The following CTTNBP2 variants were observed in gnomAD, a reference collection of about 807,000 sequenced individuals.
CTTNBP2 encodes cortactin-binding protein 2.
Under a neutral mutation model 156.9 loss-of-function variants are expected in CTTNBP2, and 108 were observed. That is an observed-to-expected ratio of 0.69 (90% CI 0.59 to 0.81). The LOEUF (loss-of-function observed/expected upper bound fraction) is 0.81. CTTNBP2 is among the 30% of genes least tolerant of loss of function. The pLI, the probability that CTTNBP2 is intolerant of heterozygous loss-of-function variation, is 0.00. For synonymous variants in CTTNBP2, 767 were observed against 751.8 expected (o/e 1.02, Z -0.33); for missense variants, 1,924 against 2,035.4 (o/e 0.95, Z 1.05).
chr7:117,867,457 A>T (rs1337034157), intron 1 of CTTNBP2, among the ~76,000 whole-genome samples: 6 of 151,870 alleles, frequency 4.0e-5, no homozygotes, highest in Non-Finnish European at 8.8e-5. Context: ...ATCTCTATTA[A>T]CTCTATTTTC....
At chr7:117,784,159 A>G in intron 5 of CTTNBP2, 92 bp downstream of exon 5, 2 of 943,010 alleles carry the variant, frequency 2.1e-6, no homozygotes, top group Non-Finnish European at 3.1e-6. Context: ...AAATAAAACT[A>G]AATTGAACTT....
intron 2 of CTTNBP2, among the ~76,000 whole-genome samples, chr7:117,825,130 C>T (rs1294493716): frequency 1.3e-5 from 2 of 152,188 alleles, no homozygotes; most frequent in Non-Finnish European, 2.9e-5. Flanking sequence ...CATTTCATTG[C>T]TCCTTTCATT....
intron 1 of CTTNBP2, among the ~76,000 whole-genome samples, chr7:117,865,686 A>G (rs797015252): frequency 2.0e-5 from 3 of 149,456 alleles, no homozygotes; most frequent in East Asian, 1.9e-4. Flanking sequence ...AAAAAAAAAA[A>G]AAAAGAAAAG....
intron 14 of CTTNBP2, among the ~76,000 whole-genome samples, chr7:117,737,670 T>C (rs1329048932): frequency 6.6e-6 from 1 of 151,934 alleles, no homozygotes; most frequent in Non-Finnish European, 1.5e-5. Flanking sequence ...ACCTCCCGGG[T>C]TCAAGTGATT....
At chr7:117,822,464 G>C (rs1563042993) in intron 2 of CTTNBP2, among the ~76,000 whole-genome samples, 1 of 151,920 alleles carries the variant, frequency 6.6e-6, no homozygotes, top group Non-Finnish European at 1.5e-5. Flanking sequence ...TAGAACCATA[G>C]GTCATTGATT....
intron 2 of CTTNBP2, among the ~76,000 whole-genome samples, chr7:117,844,343 A>G (rs35647931): frequency 0.013 from 1,970 of 152,344 alleles, 18 homozygotes; most frequent in Non-Finnish European, 0.02. Flanking sequence ...GGAAACTAAT[A>G]CAGGTTGGGG....
At chr7:117,746,329 T>C (rs1302325356) in intron 12 of CTTNBP2, among the ~76,000 whole-genome samples, 3 of 152,200 alleles carry the variant, frequency 2.0e-5, no homozygotes, top group Non-Finnish European at 4.4e-5. Context: ...ACACATTTTT[T>C]CCCTCTATTT....
At chr7:117,866,713 T>A (rs1426748150) in intron 1 of CTTNBP2, among the ~76,000 whole-genome samples, 4 of 152,116 alleles carry the variant, frequency 2.6e-5, no homozygotes, top group African/African-American at 9.7e-5. Context: ...ATCTCCCCCA[T>A]CCCCTAAATG....
Position 117,858,369 on chromosome 7 carries a change from C to CA in CTTNBP2, c.189+2839dup, listed in dbSNP as rs377198920. ...TGGGCGACAGAGTGAGACTCCGTCT[C>CA]AAAAAAAAGAAAACAAAAAACAAAA... On this transcript the variant is annotated intron_variant, in intron 2 of 22. Coordinates refer to ENST00000160373, the MANE Select transcript of CTTNBP2 (RefSeq NM_033427.3). Among the ~76,000 whole-genome samples, 560 of 151,732 alleles carry CA rather than the reference C, an allele frequency of 3.7e-3. 4 individuals are homozygous for CA. Among genetic ancestry groups the CA allele is most frequent in the African/African-American group, 0.013 (537 of 41,384 alleles).
intron 14 of CTTNBP2, among the ~76,000 whole-genome samples, chr7:117,744,296 C>T (rs1796193093): frequency 6.6e-6 from 1 of 152,058 alleles, no homozygotes; most frequent in Admixed American, 6.5e-5. Flanking sequence ...TTTTTCAGAA[C>T]CCATTAACCA....
At chr7:117,832,391 G>C (rs376527333) in intron 2 of CTTNBP2, among the ~76,000 whole-genome samples, 48 of 152,118 alleles carry the variant, frequency 3.2e-4, no homozygotes, top group African/African-American at 1.1e-3. Flanking sequence ...CTGATAAGAG[G>C]GACTGCCCTA....
At chr7:117,806,736 T>G (rs1037049412) in intron 3 of CTTNBP2, among the ~76,000 whole-genome samples, 1 of 136,350 alleles carries the variant, frequency 7.3e-6, no homozygotes, top group East Asian at 2.3e-4. Context: ...TTCTTTCTTC[T>G]TTTTCTCATT....
rs759617476 is a variant in CTTNBP2 at position 117,756,638 on chromosome 7, T to C, written c.3269-4A>G. ...CTGAGACAGCCTTCTTGAGGACCTG[T>C]AGGAAAGGACAGACGAAGAAAAATG... On this transcript the variant is annotated splice_polypyrimidine_tract_variant and splice_region_variant and intron_variant, in intron 11 of 22. Transcript: ENST00000160373. 1.9e-6 allele frequency: 3 copies of C among 1,605,298 alleles called. No individual in the cohort carries two copies. The highest frequency in any genetic ancestry group is 1.1e-5 in the South Asian group (1 of 90,896).
chr7:117,756,536 C>A lies in CTTNBP2; in HGVS notation c.3348+19G>T, dbSNP rs1796893525. 1.3e-6 allele frequency: 2 copies of A among 1,592,748 alleles called. No individual in the cohort carries two copies. Among genetic ancestry groups the A allele is most frequent in the Admixed American group, 3.3e-5 (2 of 59,962 alleles). ...CAGGGATGGAAAACACAGGTCTCCA[C>A]CCAGCAGTGTCCACCTACCAGCCTG... On this transcript the variant is annotated intron_variant, in intron 12 of 22. Coordinates refer to ENST00000160373, the MANE Select transcript of CTTNBP2 (RefSeq NM_033427.3).
Position 117,735,277 on chromosome 7 carries a change from A to T in CTTNBP2, c.3680T>A (p.Phe1227Tyr), listed in dbSNP as rs1437351096. ...CCCTTTATTAGCGTTACCTTTTTGG[A>T]AAGTGCAGGGGCTTTCAGTGCTGCG... ...ENRSTESPCTFQKGNGLSECY... is the reference protein window; with the variant it reads ...ENRSTESPCTYQKGNGLSECY... The change falls in exon 15 of 23, where the codon TTC (phenylalanine) becomes TAC (tyrosine). Residue 1227 changes from phenylalanine (F) to tyrosine (Y), a missense_variant. By Grantham distance (22) the Phe-to-Tyr change is conservative. Transcript: ENST00000160373. 6.2e-7 allele frequency: 1 copy of T among 1,611,720 alleles called. No homozygotes were observed. Among genetic ancestry groups the T allele is most frequent in the Admixed American group, 1.7e-5 (1 of 59,412 alleles).
chr7:117,847,819 CTTTT>C (rs201419286), intron 2 of CTTNBP2, among the ~76,000 whole-genome samples: 4 of 91,352 alleles, frequency 4.4e-5, no homozygotes, highest in African/African-American at 1.4e-4. Context: ...TTTGCCTAAC[CTTTT>C]TTTTTTTTTT....
chr7:117,750,860 G>C (rs943663476), intron 12 of CTTNBP2, among the ~76,000 whole-genome samples: 19 of 152,162 alleles, frequency 1.2e-4, no homozygotes, highest in Admixed American at 5.2e-4. Flanking sequence ...TATTCTAATT[G>C]TATTGAAAGG....
At chr7:117,769,261 A>G (rs1419205060) in intron 8 of CTTNBP2, among the ~76,000 whole-genome samples, 2 of 152,222 alleles carry the variant, frequency 1.3e-5, no homozygotes, top group East Asian at 1.9e-4. Context: ...AGAAAGAAAA[A>G]CAAAAAACTA....
chr7:117,758,375 T>G (rs965353974), intron 10 of CTTNBP2, among the ~76,000 whole-genome samples: 1 of 151,832 alleles, frequency 6.6e-6, no homozygotes. Context: ...TATGATCTGG[T>G]CCCTGAGCCT....
Sources: allele counts gnomAD v4.1 joint callset (sites outside exome capture counted in the v4.1 genomes callset), GRCh38; gene constraint gnomAD v4.1.1; transcripts MANE v1.5; gene names NCBI Gene and HGNC (gene_info 2026-07-23, HGNC 2026-07-21).